The following ME3 variants were observed in gnomAD, a reference collection of about 807,000 sequenced individuals.
ME3 encodes NADP-dependent malic enzyme, mitochondrial.
Under a neutral mutation model 68.9 loss-of-function variants are expected in ME3, and 48 were observed. That is an observed-to-expected ratio of 0.70 (90% CI 0.55 to 0.89). The LOEUF is 0.89. Ranked by LOEUF, ME3 falls within the 40% of genes least tolerant of loss-of-function variation. The pLI, the probability that ME3 is intolerant of heterozygous loss-of-function variation, is 0.00. For synonymous variants in ME3, 320 were observed against 318.8 expected (o/e 1.00, Z -0.04); for missense variants, 675 against 797.4 (o/e 0.85, Z 1.85).
chr11:86,610,790 G>A (rs1432544783), intron 2 of ME3, among the ~76,000 whole-genome samples: 1 of 152,164 alleles, frequency 6.6e-6, no homozygotes, highest in Non-Finnish European at 1.5e-5. Context: ...AGCTTTGGGA[G>A]AAACAATGAG....
chr11:86,644,669 G>A (rs552716121), intron 2 of ME3, among the ~76,000 whole-genome samples: 40 of 152,208 alleles, frequency 2.6e-4, no homozygotes, highest in South Asian at 8.3e-4. Flanking sequence ...CTTAAATATC[G>A]CCTCCTTAAG....
At chr11:86,438,629 A>ATT (rs1435997797), downstream of ME3, among the ~76,000 whole-genome samples, 1 of 152,138 alleles carries the variant, frequency 6.6e-6, no homozygotes, top group Non-Finnish European at 1.5e-5. Flanking sequence ...TTTTTTAATT[A>ATT]CTAATTTCTT....
chr11:86,641,787 C>G (rs761909133), intron 2 of ME3, among the ~76,000 whole-genome samples: 4 of 152,126 alleles, frequency 2.6e-5, no homozygotes, highest in Non-Finnish European at 5.9e-5. Context: ...TGACAAATGA[C>G]CTTGTCCAGA....
chr11:86,623,229 G>A (rs1943456418), intron 2 of ME3, among the ~76,000 whole-genome samples: 1 of 152,148 alleles, frequency 6.6e-6, no homozygotes, highest in Non-Finnish European at 1.5e-5. Context: ...GAGGAAGGGT[G>A]CATTGTCACT....
intron 2 of ME3, among the ~76,000 whole-genome samples, chr11:86,631,894 G>C (rs141466036): frequency 1.3e-5 from 2 of 151,920 alleles, no homozygotes; most frequent in Non-Finnish European, 2.9e-5. Flanking sequence ...CATCATGACC[G>C]GCTAATTTTT....
At chr11:86,578,797 T>A (rs1565165234) in intron 2 of ME3, among the ~76,000 whole-genome samples, 1 of 152,156 alleles carries the variant, frequency 6.6e-6, no homozygotes, top group African/African-American at 2.4e-5. Flanking sequence ...CTGTTTACAC[T>A]TCACTGCTTT....
At chr11:86,454,641 G>A (rs1949815598) in intron 8 of ME3, among the ~76,000 whole-genome samples, 1 of 152,192 alleles carries the variant, frequency 6.6e-6, no homozygotes, top group Non-Finnish European at 1.5e-5. Context: ...GGTATGGTTT[G>A]CTGAATTGTA....
chr11:86,538,300 A>G (rs1374370849), intron 4 of ME3, among the ~76,000 whole-genome samples: 1 of 152,208 alleles, frequency 6.6e-6, no homozygotes, highest in Non-Finnish European at 1.5e-5. Flanking sequence ...TGCTTGTCAT[A>G]TGGCCTTAGG....
chr11:86,502,079 C>T (rs1952759689), intron 5 of ME3, among the ~76,000 whole-genome samples: 2 of 152,354 alleles, frequency 1.3e-5, no homozygotes, highest in South Asian at 4.1e-4. Flanking sequence ...CTTTGAATTT[C>T]CCCTTTATTC....
At chr11:86,543,503 C>T (rs1014896556) in intron 4 of ME3, among the ~76,000 whole-genome samples, 2 of 152,090 alleles carry the variant, frequency 1.3e-5, no homozygotes, top group Non-Finnish European at 2.9e-5. Flanking sequence ...GGGTTGCAAT[C>T]CTAGTCTCTG....
intron 2 of ME3, among the ~76,000 whole-genome samples, chr11:86,608,871 T>C (rs2135178904): frequency 6.6e-6 from 1 of 152,316 alleles, no homozygotes; most frequent in African/African-American, 2.4e-5. Flanking sequence ...AAAAATTCCA[T>C]AATGACTTCC....
rs552241411 is a variant in ME3 at position 86,574,245 on chromosome 11, C to A, written c.184-14422G>T. On this transcript the variant is annotated intron_variant, in intron 2 of 14. Coordinates refer to ENST00000543262, the Ensembl canonical transcript of ME3. ...TCTCATTCTTCATCCAGTTTTGTGC[C>A]CTTGCTGGAGATGTGTTGAGATCAT... Among the ~76,000 whole-genome samples the A allele has an allele frequency of 2.0e-5, 3 of 152,098 alleles. No individual in the cohort carries two copies. In the East Asian group the frequency reaches 5.8e-4, roughly 29 times the overall value.
chr11:86,541,415 A>G (rs979645924), intron 4 of ME3, among the ~76,000 whole-genome samples: 3 of 152,232 alleles, frequency 2.0e-5, no homozygotes, highest in Non-Finnish European at 2.9e-5. Context: ...TCTCGCTGCC[A>G]GCACAGCAGT....
chr11:86,443,227 C>G (rs919073592), intron 13 of ME3, among the ~76,000 whole-genome samples: 83 of 152,234 alleles, frequency 5.5e-4, no homozygotes, highest in African/African-American at 2.0e-3. Context: ...CTCCTCTTGG[C>G]TGGTCCAGCC....
chr11:86,569,820 C>T lies in ME3; in HGVS notation c.184-9997G>A, dbSNP rs559914174. ...AACTTGCCCAAGGTCACACAGCAAG[C>T]TGGTGGGAAAACCAGGAGTAGAACC... On this transcript the variant is annotated intron_variant, in intron 2 of 14. Coordinates refer to ENST00000543262, the Ensembl canonical transcript of ME3. Among the ~76,000 whole-genome samples, 6 of 152,294 alleles carry T rather than the reference C, an allele frequency of 3.9e-5. No homozygotes were observed. In the South Asian group the frequency reaches 8.3e-4, roughly 21 times the overall value.
intron 2 of ME3, among the ~76,000 whole-genome samples, chr11:86,595,306 T>TATAGAGAGAGAGAGAGAG (rs371436753): frequency 1.3e-5 from 1 of 79,792 alleles, no homozygotes; most frequent in African/African-American, 3.9e-5. Context: ...TATATATATA[T>TATAGAGAGAGAGAGAGAG]AGAGAGAGAG....
chr11:86,515,179 C>T lies in ME3; in HGVS notation c.468-6312G>A, dbSNP rs1214938356. On this transcript the variant is annotated intron_variant, in intron 4 of 14. Coordinates refer to ENST00000543262, the Ensembl canonical transcript of ME3. The stretch of plus-strand genomic sequence containing the variant: ...ATTGGGACTAATTTTCCATGTTCCC[C>T]GCAAAAGCTAATATTCAGTGAGAAA... Among the ~76,000 whole-genome samples, 12 of 152,190 alleles carry T rather than the reference C, an allele frequency of 7.9e-5. 1 individual carries two copies. Among genetic ancestry groups the T allele is most frequent in the Admixed American group, 3.3e-4 (5 of 15,286 alleles).
intron 2 of ME3, among the ~76,000 whole-genome samples, chr11:86,652,898 A>G (rs1246706707): frequency 6.8e-6 from 1 of 147,708 alleles, no homozygotes. Flanking sequence ...GGATGAAGGA[A>G]GATCAACCAG....
chr11:86,556,159 C>T (rs750860455), intron 4 of ME3, among the ~76,000 whole-genome samples: 6 of 152,148 alleles, frequency 3.9e-5, no homozygotes, highest in Non-Finnish European at 8.8e-5. Context: ...AGAATTCAGT[C>T]TTTGGTATCC....
Sources: gnomAD v4.1 joint callset for allele counts (sites outside exome capture counted in the v4.1 genomes callset) on GRCh38, gnomAD v4.1.1 for gene constraint, MANE v1.5 for transcripts, NCBI Gene and HGNC (gene_info 2026-07-23, HGNC 2026-07-21) for gene names.